The following SOHLH1 variants were observed in gnomAD, a reference collection of about 807,000 sequenced individuals.
SOHLH1 encodes the protein spermatogenesis and oogenesis specific basic helix-loop-helix 1.
SOHLH1 carries 23 observed loss-of-function variants against 36.2 expected under a neutral mutation model. The observed-to-expected ratio is 0.64, with a 90% CI of 0.46 to 0.90. The LOEUF is 0.90. Among genes scored for constraint, SOHLH1 ranks in the 40% least tolerant of loss-of-function variants. The pLI is 0.00. For missense variants in SOHLH1, 608 were observed against 517.0 expected (o/e 1.18, Z -1.71); for synonymous variants, 289 against 228.3 (o/e 1.27, Z -2.40).
chr9:135,694,175 G>A lies in SOHLH1; in HGVS notation c.946+212C>T, dbSNP rs145577527. On this transcript the variant is annotated intron_variant, in intron 7 of 7. Transcript: ENST00000425225. ...GCACCGCCAGCTCTCATGCAGGCTC[G>A]TCCACATCACGTTCACTCACACACT... is the stretch of plus-strand genomic sequence containing the variant. 140 of 1,437,892 alleles carry A rather than the reference G, an allele frequency of 9.7e-5. No individual in the cohort carries two copies. The East Asian group carries it at 3.1e-3, about 32-fold the overall frequency. The allele number at this position is 1,437,892 out of a possible 1,614,324, so 89.1% of individuals were successfully genotyped here.
In SOHLH1 at chr9:135,697,693, G is replaced by A. The variant is rs1019980582; in HGVS notation, c.346-66C>T. On this transcript the variant is annotated intron_variant, in intron 3 of 7. Coordinates refer to ENST00000425225, the MANE Select transcript of SOHLH1 (RefSeq NM_001101677.2). The stretch of plus-strand genomic sequence containing the variant: ...TCAGCTGAGAAACCCAAGACACGGT[G>A]ACAAGACTGCTACCCCAGGGCCTGG... 62 of 1,565,756 alleles carry A rather than the reference G, an allele frequency of 4.0e-5. No homozygotes were observed. The East Asian group carries it at 8.4e-4, about 21-fold the overall frequency.
intron 2 of SOHLH1, 126 bp from the exon 3 acceptor site, chr9:135,698,602 C>G (rs1834904887): frequency 8.0e-6 from 11 of 1,371,780 alleles, no homozygotes; most frequent in Admixed American, 1.9e-5. Context: ...CAAGATGACT[C>G]AGAGCTGCCC....
In SOHLH1 at chr9:135,699,423, G is replaced by A. The variant is rs1341036384; in HGVS notation, c.45C>T (p.Ile15=). 6.2e-7 allele frequency: 1 copy of A among 1,612,210 alleles called. No homozygotes were observed. The highest frequency in any genetic ancestry group is 8.5e-7 in the Non-Finnish European group (1 of 1,179,814). ...CTCACTTGCATCCCCTGACGGTAGGGATTCTGGAGACCTCCGGGTAGGGCT... is the reference window on the plus strand; with the variant it reads ...CTCACTTGCATCCCCTGACGGTAGGAATTCTGGAGACCTCCGGGTAGGGCT... ...CSEPYPEVSR[I]PTVRGCNGSL... The change falls in exon 1 of 8, where the codon ATC becomes ATT. Residue 15 remains isoleucine (I), a synonymous_variant. Coordinates refer to ENST00000425225, the MANE Select transcript of SOHLH1 (RefSeq NM_001101677.2).
Position 135,699,408 on chromosome 9 carries a change from T to G in SOHLH1, c.60A>C (p.Gly20=), listed in dbSNP as rs1554759976. ...CCGCCAGCCCAATTCCTCACTTGCA[T>G]CCCCTGACGGTAGGGATTCTGGAGA... The part of the protein sequence containing the change: ...PEVSRIPTVR[G]CNGSLSGALS... Residue 20 remains glycine, a synonymous_variant, in exon 1 of 8, where the codon GGA becomes GGC. Transcript: ENST00000425225. 6.8e-6 allele frequency: 11 copies of G among 1,611,710 alleles called. No individual in the cohort carries two copies. In the South Asian group the frequency reaches 1.2e-4, roughly 18 times the overall value.
chr9:135,694,292 G>A (rs546542562), intron 7 of SOHLH1, 95 bp downstream of exon 7: 21 of 1,592,660 alleles, frequency 1.3e-5, no homozygotes, highest in South Asian at 7.8e-5. Flanking sequence ...AGACCCTGGG[G>A]CCCCCTGACA....
In SOHLH1 at chr9:135,697,558, G is replaced by C. The variant is rs746039138; in HGVS notation, c.415C>G (p.Gln139Glu). Residue 139 changes from glutamine to glutamate, a missense_variant, in exon 4 of 8, where the codon CAG becomes GAG. By Grantham distance (29) the Gln-to-Glu change is conservative. Transcript: ENST00000425225. ...EDVLQLTLSSQIQAGVPDPGT... is the reference protein window; with the variant it reads ...EDVLQLTLSSEIQAGVPDPGT... ...GGGTCTGGCACACCTGCTTGAATCT[G>C]ACTCGACAACGTCAACTGTAAAACA... 2.5e-5 allele frequency: 41 copies of C among 1,612,566 alleles called. No individual in the cohort carries two copies. In the South Asian group the frequency reaches 4.4e-4, roughly 17 times the overall value.
intron 3 of SOHLH1, 42 bp downstream of exon 3, chr9:135,698,287 C>T (rs376890187): frequency 2.5e-4 from 400 of 1,611,856 alleles, no homozygotes; most frequent in South Asian, 1.4e-3. Context: ...GTCCCATCAC[C>T]GTGATGCCGG....
chr9:135,696,801 G>A lies in SOHLH1; in HGVS notation c.472C>T (p.Pro158Ser), dbSNP rs1182410355. 4 of 1,612,796 alleles carry A rather than the reference G, an allele frequency of 2.5e-6. No individual in the cohort carries two copies. The Admixed American group carries it at 5.0e-5, about 20-fold the overall frequency. ...CTTTCCAGAAACGCCTTCACATCTG[G>A]GGTTCTAGAAGGAGCAACATGACAA... ...GTGASSGTRTPDVKAFLESPW... is the reference protein window; with the variant it reads ...GTGASSGTRTSDVKAFLESPW... Residue 158 changes from proline (P) to serine (S), a missense_variant, in exon 5 of 8, where the codon CCA (proline) becomes TCA (serine). By Grantham distance (74) the Pro-to-Ser change is moderately conservative. Transcript: ENST00000425225.
At chr9:135,695,556 A>G (rs1373921022) in intron 5 of SOHLH1, among the ~76,000 whole-genome samples, 1 of 152,122 alleles carries the variant, frequency 6.6e-6, no homozygotes. Context: ...GGACCCTCTC[A>G]GCACCGCCTC....
At chr9:135,698,292 T>C (rs506498) in intron 3 of SOHLH1, 37 bp downstream of exon 3, 1,499,504 of 1,612,218 alleles carry the variant, frequency 0.93, 698,202 homozygotes, top group East Asian at 0.97. Context: ...ATCACCGTGA[T>C]GCCGGAGGAC....
At chr9:135,699,234 G>T in intron 1 of SOHLH1, 108 bp from the exon 2 acceptor site, 1 of 1,524,810 alleles carries the variant, frequency 6.6e-7, no homozygotes, top group East Asian at 2.5e-5. Flanking sequence ...AGCCAAGACT[G>T]GGTCACGTAG....
Position 135,698,368 on chromosome 9 carries a change from C to A in SOHLH1, c.306G>T (p.Arg102=). 6.2e-7 allele frequency: 1 copy of A among 1,613,114 alleles called. No individual in the cohort carries two copies. Among genetic ancestry groups the A allele is most frequent in the Non-Finnish European group, 8.5e-7 (1 of 1,180,032 alleles). ...GACTGGGCCCCAGGGCGCTGGCAAG[C>A]CGCAGGAACTGCACAGACATCTCCA... is the stretch of plus-strand genomic sequence containing the variant. ...SVLEMSVQFL[R]LASALGPSQE... Residue 102 remains arginine, a synonymous_variant, in exon 3 of 8, where the codon CGG becomes CGT. Transcript: ENST00000425225.
At chr9:135,701,358 C>T (rs1835028837), upstream of SOHLH1, among the ~76,000 whole-genome samples, 2 of 152,246 alleles carry the variant, frequency 1.3e-5, no homozygotes, top group Non-Finnish European at 1.5e-5. Flanking sequence ...GGACCTGGCC[C>T]TCCCCCTGGC....
Position 135,699,060 on chromosome 9 carries a change from G to A in SOHLH1, c.132C>T (p.Ala44=). The A allele has an allele frequency of 3.7e-6, 6 of 1,611,108 alleles. No individual in the cohort carries two copies. The highest frequency in any genetic ancestry group is 3.4e-6 in the Non-Finnish European group (4 of 1,179,648). Residue 44 remains alanine (A), a synonymous_variant, in exon 2 of 8, where the codon GCC becomes GCT. Transcript: ENST00000425225. The part of the protein sequence containing the change: ...DSARGSGPPK[A]PTVAEGPSSC... ...AGCTGGGACCCTCGGCCACCGTAGG[G>A]GCCTTGGGCGGGCCCGAGCCCCGGG...
rs377353048 is a variant in SOHLH1 at position 135,697,563 on chromosome 9, G to A, written c.410C>T (p.Ser137Leu). Reference sequence around the variant, plus strand: ...TGGCACACCTGCTTGAATCTGACTCGACAACGTCAACTGTAAAACATCCTC... The same window carrying A: ...TGGCACACCTGCTTGAATCTGACTCAACAACGTCAACTGTAAAACATCCTC... Reference protein sequence around the residue: ...LQEDVLQLTLSSQIQAGVPDP... With the variant: ...LQEDVLQLTLLSQIQAGVPDP... The change falls in exon 4 of 8, where the codon TCG becomes TTG. Residue 137 changes from serine (S) to leucine (L), a missense_variant. Ser to Leu is a moderately radical substitution (Grantham distance 145, BLOSUM62 -2). Transcript: ENST00000425225. The A allele has an allele frequency of 4.8e-5, 78 of 1,612,542 alleles. No homozygotes were observed. The highest frequency in any genetic ancestry group is 6.2e-5 in the Non-Finnish European group (73 of 1,179,780).
upstream of SOHLH1, chr9:135,699,569 G>GCCCAC: frequency 1.6e-6 from 2 of 1,272,206 alleles, no homozygotes; most frequent in Non-Finnish European, 2.2e-6. Flanking sequence ...TTTCCACCTA[G>GCCCAC]CCCACCCCAC....
intron 2 of SOHLH1, 60 bp from the exon 3 acceptor site, chr9:135,698,536 G>A (rs891750497): frequency 8.1e-6 from 13 of 1,610,068 alleles, no homozygotes; most frequent in East Asian, 4.5e-5. Context: ...AGAAGGGACA[G>A]CAACTGCTAG....
intron 3 of SOHLH1, 118 bp downstream of exon 3, chr9:135,698,211 T>C: frequency 1.4e-6 from 2 of 1,427,498 alleles, no homozygotes; most frequent in South Asian, 2.3e-5. Context: ...GCTCTAGCCG[T>C]GGAGACCCAG....
chr9:135,696,739 C>T lies in SOHLH1; in HGVS notation c.534G>A (p.Glu178=), dbSNP rs2131291886. Reference sequence around the variant, plus strand: ...AGGACGCAAGGATGTGCGGCACGGGCTCTGGGCTGGCCGACGCTGGATCCA... The same window carrying T: ...AGGACGCAAGGATGTGCGGCACGGGTTCTGGGCTGGCCGACGCTGGATCCA... ...WSLDPASASP[E]PVPHILASSR... is the part of the protein sequence containing the mutation. The change falls in exon 5 of 8, where the codon GAG becomes GAA. Residue 178 remains glutamate (E), a synonymous_variant. Transcript: ENST00000425225. 1.2e-6 allele frequency: 2 copies of T among 1,613,088 alleles called. No individual in the cohort carries two copies. The highest frequency in any genetic ancestry group is 1.7e-6 in the Non-Finnish European group (2 of 1,180,010).
Sources: allele counts gnomAD v4.1 joint callset (sites outside exome capture counted in the v4.1 genomes callset), GRCh38; gene constraint gnomAD v4.1.1; transcripts MANE v1.5; gene names NCBI Gene and HGNC (gene_info 2026-07-23, HGNC 2026-07-21).